Variants in PMS1 observed in about 807,000 individuals in gnomAD.
The protein encoded by PMS1 is PMS1 protein homolog 1.
Under a neutral mutation model 93.1 loss-of-function variants are expected in PMS1, and 79 were observed. The ratio of observed to expected loss-of-function variants is 0.85; its 90% CI spans 0.71 to 1.02. PMS1 has a LOEUF of 1.02. PMS1 is among the 50% of genes least tolerant of loss of function. PMS1 has a pLI of 0.00. For synonymous variants in PMS1, 335 were observed against 363.4 expected, an observed-to-expected ratio of 0.92 and a Z score of 0.89; for missense variants, 1,064 against 1,085.3, an observed-to-expected ratio of 0.98 and a Z score of 0.28.
chr2:189,811,231 C>A (rs1397204426), intron 4 of PMS1, among the ~76,000 whole-genome samples: 1 of 146,056 alleles, frequency 6.8e-6, no homozygotes, highest in African/African-American at 2.5e-5. Flanking sequence ...AATGGTCTAA[C>A]ATGCCTGTGA....
At chr2:189,855,851 T>C in intron 9 of PMS1, 2 of 1,095,894 alleles carry the variant, frequency 1.8e-6, no homozygotes, top group Non-Finnish European at 1.2e-6. Context: ...AAACACAAAA[T>C]ATTATGTTCT....
intron 5 of PMS1, among the ~76,000 whole-genome samples, chr2:189,832,974 T>G (rs541448669): frequency 6.6e-6 from 1 of 152,192 alleles, no homozygotes; most frequent in Non-Finnish European, 1.5e-5. Flanking sequence ...ATTACTAGTG[T>G]CAAGACCAAC....
Position 189,844,069 on chromosome 2 carries a change from G to T in PMS1, c.688G>T (p.Glu230Ter). The change falls in exon 6 of 13, where the codon GAA becomes TAA. Residue 230 changes from glutamate (E) to a stop codon, truncating the protein, a stop_gained. Transcript: ENST00000441310. LOFTEE classifies it high-confidence loss of function. ...TATGGAATCCTTTCAGTACCACTCT[G>T]AAGAATCTCAGGTATACTGCAAAAA... ...NNMESFQYHS[E>*]ESQIYLSGFL... 1 of 1,613,768 alleles carries T rather than the reference G, an allele frequency of 6.2e-7. No homozygotes were observed. Among genetic ancestry groups the T allele is most frequent in the Non-Finnish European group, 8.5e-7 (1 of 1,179,920 alleles).
rs569761366 is a variant in PMS1, at chr2:189,842,423, T to G, written c.583-1541T>G. On this transcript the variant is annotated intron_variant, in intron 5 of 12. Transcript: ENST00000441310. ...TGAATTTGTTGAATTCTACCTGTAC[T>G]GATGATTTCTCAAGGGATTTGACTG... Among the ~76,000 whole-genome samples, 15 of 152,292 alleles carry G rather than the reference T, an allele frequency of 9.8e-5. No individual in the cohort carries two copies. The South Asian group carries it at 3.1e-3, about 32-fold the overall frequency.
intron 5 of PMS1, among the ~76,000 whole-genome samples, chr2:189,832,511 G>A (rs1299249220): frequency 6.6e-6 from 1 of 152,042 alleles, no homozygotes; most frequent in Non-Finnish European, 1.5e-5. Context: ...TGTCGCCCAG[G>A]CTGGAATGCA....
At chr2:189,809,638 G>A (rs2050663456) in intron 4 of PMS1, among the ~76,000 whole-genome samples, 1 of 151,864 alleles carries the variant, frequency 6.6e-6, no homozygotes. Flanking sequence ...GAGGTCAGGA[G>A]TTCAAGACCT....
chr2:189,817,775 G>C (rs1307199347), intron 4 of PMS1, among the ~76,000 whole-genome samples: 1 of 152,152 alleles, frequency 6.6e-6, no homozygotes, highest in African/African-American at 2.4e-5. Flanking sequence ...CGCAGTGATA[G>C]AAGTAAGATT....
At chr2:189,862,593 C>G (rs559704058) in intron 9 of PMS1, among the ~76,000 whole-genome samples, 1 of 152,280 alleles carries the variant, frequency 6.6e-6, no homozygotes, top group African/African-American at 2.4e-5. Context: ...ATTCTGTTAT[C>G]TTCTTCTGAA....
At chr2:189,851,146 T>G (rs570612083) in intron 6 of PMS1, among the ~76,000 whole-genome samples, 11 of 152,376 alleles carry the variant, frequency 7.2e-5, no homozygotes, top group African/African-American at 2.4e-4. Context: ...TACTTTGCCA[T>G]GTAACTTAAA....
At chr2:189,830,991 G>A (rs1419252225) in intron 5 of PMS1, among the ~76,000 whole-genome samples, 1 of 152,174 alleles carries the variant, frequency 6.6e-6, no homozygotes, top group Non-Finnish European at 1.5e-5. Context: ...AGTGGAGTAG[G>A]AACAACTCTG....
At chr2:189,817,928 G>A (rs1209937968) in intron 4 of PMS1, 89 bp from the exon 5 acceptor site, 4 of 986,376 alleles carry the variant, frequency 4.1e-6, no homozygotes, top group Non-Finnish European at 6.4e-6. Flanking sequence ...TTCAGTTATA[G>A]AAGGGGTTAA....
intron 4 of PMS1, among the ~76,000 whole-genome samples, chr2:189,814,825 C>T (rs2051135971): frequency 6.6e-6 from 1 of 152,144 alleles, no homozygotes; most frequent in African/African-American, 2.4e-5. Flanking sequence ...GGGCCAGGCG[C>T]TGTGGCTGAC....
chr2:189,811,243 T>C (rs1346513059), intron 4 of PMS1, among the ~76,000 whole-genome samples: 1 of 144,656 alleles, frequency 6.9e-6, no homozygotes, highest in African/African-American at 2.6e-5. Flanking sequence ...TGCCTGTGAC[T>C]GGAATCTCAG....
chr2:189,852,654 G>T lies in PMS1; in HGVS notation c.700-1G>T. 6.2e-7 allele frequency: 1 copy of T among 1,605,828 alleles called. No individual in the cohort carries two copies. The highest frequency in any genetic ancestry group is 8.5e-7 in the Non-Finnish European group (1 of 1,172,868). On this transcript the variant is annotated splice_acceptor_variant, in intron 6 of 12. Transcript: ENST00000441310. LOFTEE classifies it high-confidence loss of function. Reference sequence around the variant, plus strand: ...TTGCATATTCTGTAATTATTATATAGATTTATCTCAGTGGATTTCTTCCAA... The same window carrying T: ...TTGCATATTCTGTAATTATTATATATATTTATCTCAGTGGATTTCTTCCAA...
At chr2:189,859,235 A>G (rs927014987) in intron 9 of PMS1, among the ~76,000 whole-genome samples, 3 of 152,206 alleles carry the variant, frequency 2.0e-5, no homozygotes, top group Admixed American at 6.5e-5. Context: ...GTGCTAAGTA[A>G]TATTCTAAGT....
intron 5 of PMS1, among the ~76,000 whole-genome samples, chr2:189,843,424 C>G (rs1181832585): frequency 3.3e-5 from 5 of 152,256 alleles, no homozygotes; most frequent in Non-Finnish European, 7.4e-5. Context: ...TTCTCTATTT[C>G]AAAGGTACAA....
At chr2:189,822,479 C>G (rs992510315) in intron 5 of PMS1, among the ~76,000 whole-genome samples, 2 of 151,902 alleles carry the variant, frequency 1.3e-5, no homozygotes, top group African/African-American at 4.8e-5. Context: ...GTCAGCTGAT[C>G]GAGACTGGAG....
rs781043612 is a variant in PMS1 at position 189,864,178 on chromosome 2, T to C, written c.2292T>C (p.Asn764=). The C allele has an allele frequency of 2.5e-6, 4 of 1,610,420 alleles. No homozygotes were observed. In the East Asian group the frequency reaches 8.9e-5, roughly 36 times the overall value. Residue 764 remains asparagine, a synonymous_variant, in exon 10 of 13, where the codon AAT becomes AAC. Coordinates refer to ENST00000441310, the MANE Select transcript of PMS1 (RefSeq NM_000534.5). ...TGCTATTTAAAAGACTTCTTGAGAA[T>C]CATAAACTTCCTGCAGAGCCACTGG... ...EALLFKRLLE[N]HKLPAEPLEK... is the part of the protein sequence containing the mutation.
chr2:189,852,057 A>T (rs965520988), intron 6 of PMS1, among the ~76,000 whole-genome samples: 3 of 152,206 alleles, frequency 2.0e-5, no homozygotes, highest in Non-Finnish European at 4.4e-5. Context: ...GATAGCATAT[A>T]AATATTCAGT....
Sources: gnomAD v4.1 joint callset for allele counts (sites outside exome capture counted in the v4.1 genomes callset) on GRCh38, gnomAD v4.1.1 for gene constraint, MANE v1.5 for transcripts, NCBI Gene and HGNC (gene_info 2026-07-23, HGNC 2026-07-21) for gene names.